The following ASTN2 variants were observed in gnomAD, a reference collection of about 807,000 sequenced individuals.
ASTN2 encodes astrotactin 2.
ASTN2 carries 54 observed loss-of-function variants against 139.8 expected under a neutral mutation model. That is an observed-to-expected ratio of 0.39 (90% confidence interval 0.31 to 0.48). ASTN2 has a LOEUF of 0.48. ASTN2 is among the 20% of genes least tolerant of loss of function. The probability of loss-of-function intolerance (pLI) is 0.95; values close to 1 mark genes in which losing one functional copy is unlikely to be tolerated. For synonymous variants in ASTN2, 756 were observed against 719.5 expected (o/e 1.05, Z -0.81); for missense variants, 1,565 against 1,725.1 (o/e 0.91, Z 1.64).
At position 116,565,383 on chromosome 9, in the gene ASTN2, CTCTCCATATATATATA is replaced by C. The variant is rs1267363755; in HGVS notation, c.3355+52925_3355+52940del. Among the ~76,000 whole-genome samples the C allele has an allele frequency of 7.7e-3, 277 of 36,042 alleles. 7 individuals are homozygous for C. Among genetic ancestry groups the C allele is most frequent in the African/African-American group, 0.022 (145 of 6,632 alleles). 23.6% of individuals were successfully genotyped at this position (36,042 alleles called of 152,430 possible). On this transcript the variant is annotated intron_variant, in intron 19 of 22. Transcript: ENST00000313400. ...TCTCTCTCTCTCTCTCTCTCTCTCT[CTCTCCATATATATATA>C]TATATATATATATATATATATATAT...
At chr9:116,979,371 C>A (rs886094552) in intron 7 of ASTN2, among the ~76,000 whole-genome samples, 2 of 152,076 alleles carry the variant, frequency 1.3e-5, no homozygotes, top group Non-Finnish European at 2.9e-5. Flanking sequence ...TGTACTCCTT[C>A]CCTGCAACAT....
rs1306607070 is a variant in ASTN2, at chr9:117,172,117, T to A, written c.1016-30639A>T. Among the ~76,000 whole-genome samples, 7 of 152,096 alleles carry A rather than the reference T, an allele frequency of 4.6e-5. No individual in the cohort carries two copies. In the East Asian group the frequency reaches 1.2e-3, roughly 25 times the overall value. On this transcript the variant is annotated intron_variant, in intron 3 of 22. Transcript: ENST00000313400. Reference sequence around the variant, plus strand: ...CAGAGTACTGTTTACTTTTTATGGGTGGACATGGTCTAGGAAGGTACAAAA... The same window carrying A: ...CAGAGTACTGTTTACTTTTTATGGGAGGACATGGTCTAGGAAGGTACAAAA...
At chr9:117,413,767 C>T (rs1394639964) in intron 1 of ASTN2, among the ~76,000 whole-genome samples, 1 of 152,168 alleles carries the variant, frequency 6.6e-6, no homozygotes, top group African/African-American at 2.4e-5. Context: ...GAGTGAGCTG[C>T]AAGGACAAAC....
chr9:117,320,475 T>C (rs933872155), intron 1 of ASTN2, among the ~76,000 whole-genome samples: 2 of 152,288 alleles, frequency 1.3e-5, no homozygotes, highest in African/African-American at 2.4e-5. Context: ...CTTAGAATCA[T>C]ACTGAGGGGT....
chr9:116,440,548 C>T (rs1847809796), intron 22 of ASTN2, 61 bp downstream of exon 22: 5 of 1,534,164 alleles, frequency 3.3e-6, no homozygotes, highest in Non-Finnish European at 3.6e-6. Flanking sequence ...GGAAAGGGTC[C>T]AGAAAAGTCA....
At chr9:116,690,469 G>A (rs1250521021) in intron 16 of ASTN2, among the ~76,000 whole-genome samples, 1 of 152,198 alleles carries the variant, frequency 6.6e-6, no homozygotes, top group Non-Finnish European at 1.5e-5. Flanking sequence ...CTGGAGAATA[G>A]TTGGAAGCCA....
intron 3 of ASTN2, among the ~76,000 whole-genome samples, chr9:117,171,060 A>G (rs1830780526): frequency 6.6e-6 from 1 of 152,182 alleles, no homozygotes; most frequent in South Asian, 2.1e-4. Context: ...TCCAAGGATG[A>G]GAGCTCTCAG....
chr9:117,216,658 G>A (rs1832330993), intron 2 of ASTN2, among the ~76,000 whole-genome samples: 1 of 152,128 alleles, frequency 6.6e-6, no homozygotes, highest in Admixed American at 6.6e-5. Flanking sequence ...CAGAACATAT[G>A]ATAGTGATTG....
At chr9:116,829,094 C>A (rs1831728908) in intron 11 of ASTN2, among the ~76,000 whole-genome samples, 1 of 151,878 alleles carries the variant, frequency 6.6e-6, no homozygotes, top group Non-Finnish European at 1.5e-5. Flanking sequence ...CCAAAGCAAT[C>A]TGCAGATTCA....
At chr9:116,659,521 C>T (rs1858430174) in intron 16 of ASTN2, among the ~76,000 whole-genome samples, 1 of 152,116 alleles carries the variant, frequency 6.6e-6, no homozygotes, top group Admixed American at 6.6e-5. Flanking sequence ...ACCAAAGTCA[C>T]ACAGCTAGCA....
chr9:117,134,283 TATATATATATATACACACACAC>T (rs1195060379), intron 4 of ASTN2, among the ~76,000 whole-genome samples: 3 of 76,436 alleles, frequency 3.9e-5, no homozygotes, highest in Non-Finnish European at 5.6e-5. Flanking sequence ...TATATATATA[TATATATATATATACACACACAC>T]ACACACACAC....
intron 20 of ASTN2, among the ~76,000 whole-genome samples, chr9:116,460,003 A>C (rs1848439244): frequency 6.6e-6 from 1 of 152,176 alleles, no homozygotes; most frequent in South Asian, 2.1e-4. Flanking sequence ...AAAATGACCC[A>C]ATATCCATCA....
intron 17 of ASTN2, among the ~76,000 whole-genome samples, chr9:116,634,320 G>T (rs1048204209): frequency 2.6e-5 from 4 of 152,094 alleles, no homozygotes; most frequent in Admixed American, 2.0e-4. Flanking sequence ...GCCGGGCGCG[G>T]TGGCTCACGC....
At chr9:116,737,158 G>A (rs1353785595) in intron 13 of ASTN2, among the ~76,000 whole-genome samples, 4 of 152,230 alleles carry the variant, frequency 2.6e-5, no homozygotes, top group Non-Finnish European at 5.9e-5. Flanking sequence ...GCCCAGCGAC[G>A]GCATGGTCTC....
At chr9:116,666,199 T>C (rs1858851670) in intron 16 of ASTN2, among the ~76,000 whole-genome samples, 3 of 152,206 alleles carry the variant, frequency 2.0e-5, no homozygotes, top group Non-Finnish European at 2.9e-5. Flanking sequence ...TCAAACCTAA[T>C]GTGACTACAA....
intron 5 of ASTN2, among the ~76,000 whole-genome samples, chr9:117,083,234 G>T (rs1287535945): frequency 6.6e-6 from 1 of 152,142 alleles, no homozygotes; most frequent in African/African-American, 2.4e-5. Flanking sequence ...AAAAATGAAT[G>T]AACTTGGCAT....
chr9:116,439,616 A>T (rs576713761), intron 22 of ASTN2, among the ~76,000 whole-genome samples: 2 of 152,214 alleles, frequency 1.3e-5, no homozygotes, highest in East Asian at 3.9e-4. Context: ...AGTTGAGAAG[A>T]AAACTTCCAC....
chr9:116,638,214 ATAAG>A (rs757015229), intron 17 of ASTN2, among the ~76,000 whole-genome samples: 2 of 152,232 alleles, frequency 1.3e-5, no homozygotes, highest in Non-Finnish European at 2.9e-5. Context: ...CAAAAATATG[ATAAG>A]TAAGAATTTG....
intron 3 of ASTN2, among the ~76,000 whole-genome samples, chr9:117,165,451 G>A (rs534893019): frequency 1.3e-5 from 2 of 152,168 alleles, no homozygotes; most frequent in African/African-American, 4.8e-5. Context: ...GTGGAGCCCT[G>A]CCTGACTGAC....
Sources: gnomAD v4.1 joint callset for allele counts (sites outside exome capture counted in the v4.1 genomes callset) on GRCh38, gnomAD v4.1.1 for gene constraint, MANE v1.5 for transcripts, NCBI Gene and HGNC (gene_info 2026-07-23, HGNC 2026-07-21) for gene names.